Variants in BRINP3 observed in about 807,000 individuals in gnomAD.
BRINP3 encodes the protein BMP/retinoic acid-inducible neural-specific protein 3.
Under a neutral mutation model 71.0 loss-of-function variants are expected in BRINP3, and 19 were observed. The ratio of observed to expected loss-of-function variants is 0.27; its 90% confidence interval spans 0.19 to 0.39. BRINP3 has a LOEUF of 0.39. Ranked by LOEUF, BRINP3 falls within the 10% of genes least tolerant of loss-of-function variation. The probability of loss-of-function intolerance (pLI) is 1.00; values close to 1 mark genes in which losing one functional copy is unlikely to be tolerated. For missense variants in BRINP3, 959 were observed against 940.8 expected (o/e 1.02, Z -0.25); for synonymous variants, 380 against 337.7 (o/e 1.13, Z -1.37).
chr1:190,308,687 A>T (rs1247432159), intron 2 of BRINP3, among the ~76,000 whole-genome samples: 1 of 152,014 alleles, frequency 6.6e-6, no homozygotes, highest in Admixed American at 6.6e-5. Context: ...AAACAACTAA[A>T]CAATAGACAT....
intron 2 of BRINP3, among the ~76,000 whole-genome samples, chr1:190,448,069 G>A (rs1013008702): frequency 6.6e-5 from 10 of 151,376 alleles, no homozygotes; most frequent in Non-Finnish European, 3.0e-5. Context: ...ATTTTTATGT[G>A]TTTTGTTTTA....
Position 190,199,771 on chromosome 1 carries a change from GA to G in BRINP3, c.961+26310del, listed in dbSNP as rs35752025. Among the ~76,000 whole-genome samples, 134 of 123,548 alleles carry G rather than the reference GA, an allele frequency of 1.1e-3. 2 individuals carry two copies. The highest frequency in any genetic ancestry group is 7.7e-3 in the Admixed American group (91 of 11,820). 81.1% of individuals were successfully genotyped at this position (123,548 alleles called of 152,430 possible). On this transcript the variant is annotated intron_variant, in intron 6 of 7. Transcript: ENST00000367462. ...ATCTGCTATTCTTGTCAAGGCATAG[GA>G]AAAAAAAAAAAACAAAAACAAAAAC...
At chr1:190,357,913 G>A (rs12034082) in intron 2 of BRINP3, among the ~76,000 whole-genome samples, 27,279 of 151,840 alleles carry the variant, frequency 0.18, 2,525 homozygotes, top group Middle Eastern at 0.22. Flanking sequence ...ATGGGGAAAC[G>A]ATTCCCTATT....
At chr1:190,334,553 A>G (rs1327579049) in intron 2 of BRINP3, among the ~76,000 whole-genome samples, 1 of 151,778 alleles carries the variant, frequency 6.6e-6, no homozygotes, top group Non-Finnish European at 1.5e-5. Flanking sequence ...ATAAGGTGAG[A>G]TTATATTCAC....
intron 2 of BRINP3, among the ~76,000 whole-genome samples, chr1:190,383,840 C>G (rs1454532721): frequency 6.6e-6 from 1 of 151,904 alleles, no homozygotes; most frequent in Non-Finnish European, 1.5e-5. Context: ...TTTTCACAGA[C>G]AGGCTTATAA....
At chr1:190,321,996 T>C (rs1666276839) in intron 2 of BRINP3, among the ~76,000 whole-genome samples, 1 of 152,004 alleles carries the variant, frequency 6.6e-6, no homozygotes, top group South Asian at 2.1e-4. Context: ...TTGAAATATA[T>C]ATAAGATTTT....
chr1:190,108,656 C>A (rs1652403685), intron 7 of BRINP3, among the ~76,000 whole-genome samples: 1 of 149,252 alleles, frequency 6.7e-6, no homozygotes. Context: ...AGACTACAAA[C>A]AATGATGAAT....
intron 2 of BRINP3, among the ~76,000 whole-genome samples, chr1:190,302,085 A>C (rs1271827275): frequency 4.0e-5 from 6 of 151,448 alleles, no homozygotes. Context: ...ACAGATGCAC[A>C]GCCTCCTAAA....
intron 7 of BRINP3, among the ~76,000 whole-genome samples, chr1:190,136,326 C>G (rs1047371123): frequency 6.6e-6 from 1 of 152,112 alleles, no homozygotes. Context: ...TTGTTTAACA[C>G]ATTGATTGGG....
intron 2 of BRINP3, among the ~76,000 whole-genome samples, chr1:190,433,852 G>A (rs1367758602): frequency 1.3e-5 from 2 of 152,122 alleles, no homozygotes; most frequent in Admixed American, 6.5e-5. Flanking sequence ...TTATAAAGGT[G>A]AGAAAAAGAT....
intron 2 of BRINP3, among the ~76,000 whole-genome samples, chr1:190,443,587 T>G (rs1162042458): frequency 2.0e-5 from 3 of 152,096 alleles, no homozygotes; most frequent in African/African-American, 7.2e-5. Flanking sequence ...CAGGCAGCCA[T>G]ACCTGCATGA....
chr1:190,464,594 C>T (rs1676615792), intron 1 of BRINP3, among the ~76,000 whole-genome samples: 1 of 151,886 alleles, frequency 6.6e-6, no homozygotes, highest in East Asian at 1.9e-4. Context: ...TATTTTTTAA[C>T]TTTATAAAGA....
At chr1:190,377,604 T>A (rs1366720601) in intron 2 of BRINP3, among the ~76,000 whole-genome samples, 1 of 148,768 alleles carries the variant, frequency 6.7e-6, no homozygotes, top group African/African-American at 2.4e-5. Context: ...ATATATAATA[T>A]ATATAAAACC....
intron 2 of BRINP3, among the ~76,000 whole-genome samples, chr1:190,448,509 A>G (rs1385204187): frequency 6.6e-6 from 1 of 150,794 alleles, no homozygotes; most frequent in African/African-American, 2.4e-5. Flanking sequence ...TTTCATCCAT[A>G]AAAATCAAAA....
chr1:190,151,423 A>T (rs1656384331), intron 7 of BRINP3, among the ~76,000 whole-genome samples: 1 of 152,206 alleles, frequency 6.6e-6, no homozygotes, highest in Non-Finnish European at 1.5e-5. Flanking sequence ...CAAACCATTG[A>T]CAGTTAATGT....
chr1:190,152,530 A>AC (rs1571852849), intron 7 of BRINP3, among the ~76,000 whole-genome samples: 31 of 29,876 alleles, frequency 1.0e-3, no homozygotes, highest in Non-Finnish European at 1.3e-3. Flanking sequence ...AATCTCCCCC[A>AC]ACCCCCCCCC....
intron 6 of BRINP3, among the ~76,000 whole-genome samples, chr1:190,182,621 C>T (rs1488872609): frequency 2.0e-5 from 3 of 152,020 alleles, no homozygotes; most frequent in Non-Finnish European, 2.9e-5. Context: ...TTCAGCTCAG[C>T]GAGGTAATCT....
At chr1:190,395,966 G>A (rs11810353) in intron 2 of BRINP3, among the ~76,000 whole-genome samples, 1 of 148,322 alleles carries the variant, frequency 6.7e-6, no homozygotes. Flanking sequence ...GAAAAGAGCA[G>A]AAGGAAAGAA....
intron 2 of BRINP3, among the ~76,000 whole-genome samples, chr1:190,442,210 A>G (rs1049666965): frequency 1.3e-5 from 2 of 152,198 alleles, no homozygotes; most frequent in Admixed American, 6.5e-5. Flanking sequence ...TTGAAAGATT[A>G]CATTTCGTGA....
Sources: allele counts gnomAD v4.1 joint callset (sites outside exome capture counted in the v4.1 genomes callset), GRCh38; gene constraint gnomAD v4.1.1; transcripts MANE v1.5; gene names NCBI Gene and HGNC (gene_info 2026-07-23, HGNC 2026-07-21).